Variants in BAZ2A observed in about 807,000 individuals in gnomAD.
BAZ2A encodes bromodomain adjacent to zinc finger domain 2A.
BAZ2A carries 34 observed loss-of-function variants against 199.9 expected under a neutral mutation model. The ratio of observed to expected loss-of-function variants is 0.17; its 90% CI spans 0.13 to 0.23. The LOEUF is 0.23. Among genes scored for constraint, BAZ2A ranks in the 10% least tolerant of loss-of-function variants. The pLI, the probability that BAZ2A is intolerant of heterozygous loss-of-function variation, is 1.00. For missense variants in BAZ2A, 2,002 were observed against 2,391.1 expected (o/e 0.84, Z 3.39); for synonymous variants, 857 against 883.9 (o/e 0.97, Z 0.54).
rs2137017814 is a variant in BAZ2A, at chr12:56,612,356, G to A, written c.1136-110C>T. The A allele has an allele frequency of 4.3e-6, 4 of 934,842 alleles. No individual in the cohort carries two copies. In the South Asian group the frequency reaches 7.1e-5, roughly 16 times the overall value. 57.9% of individuals were successfully genotyped at this position (934,842 alleles called of 1,614,324 possible). ...CAAGCTAAACAGGGTTACTTCAAGG[G>A]GTCTTCCCTAGGGTTGGAAAAAGAA... is the stretch of plus-strand genomic sequence containing the variant. On this transcript the variant is annotated intron_variant, in intron 5 of 28. Transcript: ENST00000549884.
In BAZ2A at chr12:56,615,704, T is replaced by C. The variant is rs192198553; in HGVS notation, c.137-97A>G. 2.9e-4 allele frequency: 283 copies of C among 990,438 alleles called. No homozygotes were observed. The African/African-American group carries it at 4.0e-3, about 14-fold the overall frequency. 61.4% of individuals were successfully genotyped at this position (990,438 alleles called of 1,614,324 possible). On this transcript the variant is annotated intron_variant, in intron 2 of 28. Coordinates refer to ENST00000549884, the MANE Select transcript of BAZ2A (RefSeq NM_001300905.2). ...TAATAGCACTGACTAGAAAAAGACA[T>C]GGTAAAGGGAAGGGGGATTCCTCCC...
intron 13 of BAZ2A, chr12:56,605,596 A>AT: frequency 1.6e-6 from 1 of 614,596 alleles, no homozygotes. Flanking sequence ...TAATTTTCGT[A>AT]TTTTTTGTAG....
chr12:56,637,747 G>C (rs1951480176), upstream of BAZ2A, among the ~76,000 whole-genome samples: 1 of 148,976 alleles, frequency 6.7e-6, no homozygotes, highest in Non-Finnish European at 1.5e-5. Flanking sequence ...AAGAAGTAGG[G>C]ATGTGCCACA....
chr12:56,601,935 G>A lies in BAZ2A; in HGVS notation c.3682C>T (p.Pro1228Ser). The A allele has an allele frequency of 6.3e-7, 1 of 1,581,624 alleles. No homozygotes were observed. Reference sequence around the variant, plus strand: ...TGAAGCTGAGGCTGGGGCTGGGCAGGAGCATGAAGCTGAGCCTCAGGCTGA... The same window carrying A: ...TGAAGCTGAGGCTGGGGCTGGGCAGAAGCATGAAGCTGAGCCTCAGGCTGA... ...QLQPEAQLHA[P>S]AQPQPQLQLQ... Residue 1228 changes from proline to serine, a missense_variant, in exon 20 of 29, where the codon CCT becomes TCT. Transcript: ENST00000549884.
At position 56,599,237 on chromosome 12, in the gene BAZ2A, C is replaced by G. The variant is rs1014975877; in HGVS notation, c.5294G>C (p.Gly1765Ala). 2 of 1,613,136 alleles carry G rather than the reference C, an allele frequency of 1.2e-6. No individual in the cohort carries two copies. The highest frequency in any genetic ancestry group is 1.7e-6 in the Non-Finnish European group (2 of 1,179,708). Reference sequence around the variant, plus strand: ...AGGCCCTGCTGCTGGGCTTTCTCGGCCCCTCAACAGTACCCGGCGTCGGCG... The same window carrying G: ...AGGCCCTGCTGCTGGGCTTTCTCGGGCCCTCAACAGTACCCGGCGTCGGCG... Reference protein sequence around the residue: ...DGRRRRVLLRGRESPAAGPRY... With the variant: ...DGRRRRVLLRARESPAAGPRY... The change falls in exon 27 of 29, where the codon GGC becomes GCC. Residue 1765 changes from glycine to alanine, a missense_variant. Physicochemically the swap from Gly to Ala is moderately conservative, Grantham distance 60 (BLOSUM62 0). Transcript: ENST00000549884.
rs1387445351 is a variant in BAZ2A, at chr12:56,597,980, GA to G, written c.*637del. On this transcript the variant is annotated 3_prime_UTR_variant, in exon 29 of 29. Transcript: ENST00000549884. ...TTTGAAGGGAAAAGATTTGGGAGAAGAGAAAAGGAGGGAGGAACCCGTACAC... is the reference window on the plus strand; with the variant it reads ...TTTGAAGGGAAAAGATTTGGGAGAAGGAAAAGGAGGGAGGAACCCGTACAC... The G allele has an allele frequency of 6.6e-6, 1 of 151,620 alleles. No individual in the cohort carries two copies. Among genetic ancestry groups the G allele is most frequent in the African/African-American group, 2.4e-5 (1 of 41,140 alleles). The allele number at this position is 151,620 out of a possible 1,614,324, so 9.4% of individuals were successfully genotyped here. A position where few individuals can be genotyped will look rare whatever the true frequency, so the allele number is the denominator to read the frequency against.
Position 56,602,128 on chromosome 12 carries a change from G to A in BAZ2A, c.3489C>T (p.Asn1163=). Residue 1163 remains asparagine (N), a synonymous_variant, in exon 20 of 29, where the codon AAC becomes AAT. Transcript: ENST00000549884. ...CCATCTTCATAGAGAAGAGGGCAGGGTTGAGTGACGCATGGGCTGCCACTT... is the reference window on the plus strand; with the variant it reads ...CCATCTTCATAGAGAAGAGGGCAGGATTGAGTGACGCATGGGCTGCCACTT... ...SLKVAAHASL[N]PALFSMKMEL... is the part of the protein sequence containing the mutation. The A allele has an allele frequency of 6.3e-7, 1 of 1,593,696 alleles. No homozygotes were observed.
chr12:56,626,206 A>G (rs997864515), intron 1 of BAZ2A, among the ~76,000 whole-genome samples: 2 of 152,202 alleles, frequency 1.3e-5, no homozygotes, highest in African/African-American at 4.8e-5. Context: ...TGGGCTATAT[A>G]TAAGGCATAT....
chr12:56,618,541 A>C (rs1441968380), intron 1 of BAZ2A, among the ~76,000 whole-genome samples: 1 of 152,142 alleles, frequency 6.6e-6, no homozygotes, highest in Non-Finnish European at 1.5e-5. Context: ...AGTGCATACC[A>C]ACTTGATATG....
At chr12:56,608,148 G>A (rs373242772) in intron 10 of BAZ2A, among the ~76,000 whole-genome samples, 30 of 151,530 alleles carry the variant, frequency 2.0e-4, no homozygotes, top group African/African-American at 7.0e-4. Context: ...CGAGGTGGGC[G>A]GATCACGAGG....
Position 56,604,111 on chromosome 12 carries a change from C to T in BAZ2A, c.3038+106G>A, listed in dbSNP as rs190215715. The T allele has an allele frequency of 1.7e-5, 19 of 1,134,826 alleles. No homozygotes were observed. In the African/African-American group the frequency reaches 2.6e-4, roughly 16 times the overall value. The allele number at this position is 1,134,826 out of a possible 1,614,324, so 70.3% of individuals were successfully genotyped here. A position where few individuals can be genotyped will look rare whatever the true frequency, so the allele number is the denominator to read the frequency against. ...TCCTGGGCCCTGGTAAGGTCCCAAA[C>T]CCAGGGAAGGGGCTAAAGCATCACA... On this transcript the variant is annotated intron_variant, in intron 16 of 28. Transcript: ENST00000549884.
chr12:56,626,899 G>T (rs1002506909), intron 1 of BAZ2A, among the ~76,000 whole-genome samples: 1 of 152,140 alleles, frequency 6.6e-6, no homozygotes, highest in Admixed American at 6.6e-5. Flanking sequence ...CAACTTAAAG[G>T]AACTAATCAG....
intron 1 of BAZ2A, 129 bp downstream of exon 1, chr12:56,629,996 A>T (rs1028701285): frequency 2.3e-5 from 16 of 689,792 alleles, no homozygotes; most frequent in Non-Finnish European, 2.5e-5. Flanking sequence ...CTCGCAGGAA[A>T]TAAGCTCCCG....
chr12:56,634,983 C>T, upstream of BAZ2A: 1 of 984,514 alleles, frequency 1.0e-6, no homozygotes, highest in South Asian at 4.7e-5. Flanking sequence ...GCGGCGGCGG[C>T]AGAGGCGCAG....
upstream of BAZ2A, chr12:56,634,871 G>A: frequency 1.0e-6 from 1 of 973,274 alleles, no homozygotes; most frequent in Non-Finnish European, 1.2e-6. Context: ...GGGGCAGCAG[G>A]GATCCCGGGG....
At chr12:56,621,283 T>TA in intron 1 of BAZ2A, 3 of 980,066 alleles carry the variant, frequency 3.1e-6, no homozygotes, top group Non-Finnish European at 3.6e-6. Flanking sequence ...CCTGTTTTTG[T>TA]AAATATTAAT....
chr12:56,604,505 G>A (rs1205377998), intron 15 of BAZ2A, 80 bp downstream of exon 15: 10 of 1,441,848 alleles, frequency 6.9e-6, no homozygotes, highest in Non-Finnish European at 9.3e-6. Context: ...ACATTTCTGA[G>A]GACTTCTGGA....
At chr12:56,637,148 T>G (rs1332341914), upstream of BAZ2A, among the ~76,000 whole-genome samples, 1 of 152,180 alleles carries the variant, frequency 6.6e-6, no homozygotes, top group Non-Finnish European at 1.5e-5. Context: ...ATGGCCTTCA[T>G]GGATTTGAAA....
intron 1 of BAZ2A, among the ~76,000 whole-genome samples, chr12:56,622,804 A>G (rs1275628343): frequency 6.6e-6 from 1 of 152,188 alleles, no homozygotes; most frequent in Non-Finnish European, 1.5e-5. Context: ...AAGAGCTCCT[A>G]TGTTTCATTT....
Sources: allele counts gnomAD v4.1 joint callset (sites outside exome capture counted in the v4.1 genomes callset), GRCh38; gene constraint gnomAD v4.1.1; transcripts MANE v1.5; gene names NCBI Gene and HGNC (gene_info 2026-07-23, HGNC 2026-07-21).